Variants in ABCC4 observed in about 807,000 individuals in gnomAD.
ABCC4 encodes the protein ATP binding cassette subfamily C member 4 (PEL blood group), also known as ATP-binding cassette sub-family C member 4.
A neutral mutation model predicts 168.5 loss-of-function variants in ABCC4; 102 were observed. The observed-to-expected ratio is 0.61, with a 90% confidence interval of 0.52 to 0.71. The LOEUF (loss-of-function observed/expected upper bound fraction) is 0.71, where lower values mean the gene tolerates loss of function less well. Ranked by LOEUF, ABCC4 falls within the 30% of genes least tolerant of loss-of-function variation. The pLI is 0.00. For synonymous variants in ABCC4, 617 were observed against 590.7 expected, an observed-to-expected ratio of 1.04 and a Z score of -0.65; for missense variants, 1,402 against 1,605.8, an observed-to-expected ratio of 0.87 and a Z score of 2.17.
At chr13:95,115,735 G>T (rs2035353941) in intron 20 of ABCC4, among the ~76,000 whole-genome samples, 187 bp downstream of exon 20, 1 of 152,028 alleles carries the variant, frequency 6.6e-6, no homozygotes, top group Non-Finnish European at 1.5e-5. Context: ...CACACACAAG[G>T]TATTACTCAT....
Position 95,204,758 on chromosome 13 carries a change from T to C in ABCC4, c.1161+1774A>G, listed in dbSNP as rs186260703. Among the ~76,000 whole-genome samples, 68 of 152,342 alleles carry C rather than the reference T, an allele frequency of 4.5e-4. 1 individual carries two copies. The highest frequency in any genetic ancestry group is 3.8e-3 in the Admixed American group (58 of 15,302). ...TCTGAACAGATTCCTAGTTCTAAGA[T>C]AGGCAAACTCCTTAACCTATTACAG... is the stretch of plus-strand genomic sequence containing the variant. On this transcript the variant is annotated intron_variant, in intron 8 of 30. Coordinates refer to ENST00000645237, the MANE Select transcript of ABCC4 (RefSeq NM_005845.5).
intron 3 of ABCC4, among the ~76,000 whole-genome samples, chr13:95,245,826 C>G (rs909461346): frequency 2.0e-5 from 3 of 152,020 alleles, no homozygotes; most frequent in Admixed American, 2.0e-4. Context: ...CCCTCCACAA[C>G]AAAAAGCATG....
At chr13:95,071,991 G>A in intron 24 of ABCC4, 138 bp from the exon 25 acceptor site, 1 of 602,422 alleles carries the variant, frequency 1.7e-6, no homozygotes, top group Non-Finnish European at 2.6e-6. Context: ...GGATGTTGAT[G>A]ACTTACAAAT....
chr13:95,019,854 T>G lies in ABCC4; in HGVS notation c.*1721A>C, dbSNP rs1162177573. The G allele has an allele frequency of 6.6e-6, 1 of 152,196 alleles. No homozygotes were observed. The highest frequency in any genetic ancestry group is 2.4e-5 in the African/African-American group (1 of 41,444). The allele number at this position is 152,196 out of a possible 1,614,324, so 9.4% of individuals were successfully genotyped here. A position where few individuals can be genotyped will look rare whatever the true frequency, so the allele number is the denominator to read the frequency against. On this transcript the variant is annotated 3_prime_UTR_variant, in exon 31 of 31. Coordinates refer to ENST00000645237, the MANE Select transcript of ABCC4 (RefSeq NM_005845.5). ...TCTGAATGGAGATGAAAACTATCAT[T>G]TATTTCAATTGAATTTAGTTTCATT...
chr13:95,216,495 A>G (rs2039111993), intron 4 of ABCC4, among the ~76,000 whole-genome samples: 1 of 151,972 alleles, frequency 6.6e-6, no homozygotes, highest in Non-Finnish European at 1.5e-5. Flanking sequence ...TGTAGTACAC[A>G]TCCCAGACCC....
chr13:95,283,657 C>A (rs919919506), intron 1 of ABCC4, among the ~76,000 whole-genome samples: 31 of 152,220 alleles, frequency 2.0e-4, no homozygotes, highest in Non-Finnish European at 3.7e-4. Flanking sequence ...GTGGCTCACA[C>A]CTCTAATCCC....
rs181112515 is a variant in ABCC4 at position 95,114,552 on chromosome 13, C to G, written c.2535+1370G>C. ...TAATATAGCTAAACCCAGGAGGGCA[C>G]ATTTTAAAAATGTTTGCAAAAGAAA... On this transcript the variant is annotated intron_variant, in intron 20 of 30. Transcript: ENST00000645237. Among the ~76,000 whole-genome samples, 12 of 151,878 alleles carry G rather than the reference C, an allele frequency of 7.9e-5. No homozygotes were observed. In the East Asian group the frequency reaches 1.9e-3, roughly 24 times the overall value.
chr13:95,078,255 T>C (rs2033974940), intron 21 of ABCC4, among the ~76,000 whole-genome samples: 1 of 151,996 alleles, frequency 6.6e-6, no homozygotes, highest in Non-Finnish European at 1.5e-5. Context: ...CTACTAAAAA[T>C]ACAAAAATTA....
At chr13:95,062,486 T>TCTCACACACACA (rs1555306573) in intron 26 of ABCC4, among the ~76,000 whole-genome samples, 8 of 144,994 alleles carry the variant, frequency 5.5e-5, no homozygotes, top group African/African-American at 2.0e-4. Flanking sequence ...TTATTAAATA[T>TCTCACACACACA]CACACACACA....
intron 13 of ABCC4, among the ~76,000 whole-genome samples, chr13:95,173,270 T>C (rs1284398646): frequency 2.6e-5 from 4 of 152,178 alleles, no homozygotes; most frequent in Non-Finnish European, 5.9e-5. Context: ...GCAGGTGCAA[T>C]GGTCCCGGGG....
At chr13:95,187,509 A>G (rs1397690972) in intron 10 of ABCC4, among the ~76,000 whole-genome samples, 1 of 152,220 alleles carries the variant, frequency 6.6e-6, no homozygotes, top group Non-Finnish European at 1.5e-5. Flanking sequence ...AGGCTGAGGC[A>G]TGAGAATCAC....
At chr13:95,137,045 G>A (rs942934372) in intron 19 of ABCC4, among the ~76,000 whole-genome samples, 5 of 152,204 alleles carry the variant, frequency 3.3e-5, no homozygotes, top group African/African-American at 4.8e-5. Context: ...AGGCATAAAG[G>A]TAGATAGGGC....
At chr13:95,257,453 G>C (rs1594392291) in intron 1 of ABCC4, among the ~76,000 whole-genome samples, 1 of 151,984 alleles carries the variant, frequency 6.6e-6, no homozygotes, top group South Asian at 2.1e-4. Context: ...GGATCACTTG[G>C]GGTCAGGAGT....
rs575227664 is a variant in ABCC4, at chr13:95,154,700, T to A, written c.2455+6489A>T. On this transcript the variant is annotated intron_variant, in intron 19 of 30. Transcript: ENST00000645237. ...AGGACCAGTATTTCTTGTTTAAACA[T>A]GCTACCTGCTCAGCAGAATCACTTG... 1.4e-4 allele frequency among the ~76,000 whole-genome samples: 22 copies of A among 152,316 alleles called. 1 individual carries two copies. The South Asian group carries it at 4.6e-3, about 32-fold the overall frequency.
chr13:95,131,280 G>T (rs893406873), intron 19 of ABCC4, among the ~76,000 whole-genome samples: 1 of 152,114 alleles, frequency 6.6e-6, no homozygotes, highest in Non-Finnish European at 1.5e-5. Context: ...GACAAGAGGG[G>T]ACGCACAACA....
In ABCC4 at chr13:95,232,136, G is replaced by A. The variant is rs796509059; in HGVS notation, c.531+2474C>T. On this transcript the variant is annotated intron_variant, in intron 4 of 30. Transcript: ENST00000645237. ...TGCTGCTGCTGATGATGATGGTGGT[G>A]GTGGTGGTGGTGGTGGTGGTGATGA... is the stretch of plus-strand genomic sequence containing the variant. Among the ~76,000 whole-genome samples, 264 of 151,942 alleles carry A rather than the reference G, an allele frequency of 1.7e-3. 1 individual carries two copies. Among genetic ancestry groups the A allele is most frequent in the African/African-American group, 6.1e-3 (252 of 41,424 alleles).
intron 20 of ABCC4, among the ~76,000 whole-genome samples, chr13:95,109,611 GTCCT>G (rs1197869967): frequency 3.3e-5 from 5 of 152,170 alleles, no homozygotes; most frequent in Admixed American, 1.3e-4. Context: ...GAGGGTTTGA[GTCCT>G]CACTCCAGCA....
intron 1 of ABCC4, among the ~76,000 whole-genome samples, chr13:95,270,500 A>T (rs902760345): frequency 6.6e-6 from 1 of 152,174 alleles, no homozygotes; most frequent in Admixed American, 6.5e-5. Context: ...TTCCTGGCAC[A>T]GGGTTTGACT....
At chr13:95,128,981 G>A (rs142333566) in intron 19 of ABCC4, among the ~76,000 whole-genome samples, 247 of 152,242 alleles carry the variant, frequency 1.6e-3, no homozygotes, top group African/African-American at 5.5e-3. Flanking sequence ...ATTGCTGTGC[G>A]TTTTTGCCTA....
Sources: allele counts gnomAD v4.1 joint callset (sites outside exome capture counted in the v4.1 genomes callset), GRCh38; gene constraint gnomAD v4.1.1; transcripts MANE v1.5; gene names NCBI Gene and HGNC (gene_info 2026-07-23, HGNC 2026-07-21).